TRIP4: variants seen among roughly 807,000 people sequenced by gnomAD.
TRIP4 encodes the protein activating signal cointegrator 1.
A neutral mutation model predicts 81.8 loss-of-function variants in TRIP4; 54 were observed. That is an observed-to-expected ratio of 0.66 (90% CI 0.53 to 0.83). The LOEUF (loss-of-function observed/expected upper bound fraction) is 0.83, where lower values mean the gene tolerates loss of function less well. Among genes scored for constraint, TRIP4 ranks in the 40% least tolerant of loss-of-function variants. The probability of loss-of-function intolerance (pLI) is 0.00; values close to 1 mark genes in which losing one functional copy is unlikely to be tolerated. For missense variants in TRIP4, 662 were observed against 683.6 expected (o/e 0.97, Z 0.35); for synonymous variants, 270 against 242.8 (o/e 1.11, Z -1.04).
At chr15:64,403,765 T>C (rs1891564555) in intron 5 of TRIP4, among the ~76,000 whole-genome samples, 1 of 152,370 alleles carries the variant, frequency 6.6e-6, no homozygotes, top group South Asian at 2.1e-4. Context: ...TTAAATAATA[T>C]TACAAATTGT....
At chr15:64,405,775 G>A (rs1055646213) in intron 5 of TRIP4, among the ~76,000 whole-genome samples, 10 of 152,086 alleles carry the variant, frequency 6.6e-5, no homozygotes, top group Non-Finnish European at 1.3e-4. Flanking sequence ...TGGGAGGATT[G>A]CTTGAAGCCA....
At chr15:64,394,948 G>T (rs1384345952) in intron 2 of TRIP4, among the ~76,000 whole-genome samples, 2 of 152,130 alleles carry the variant, frequency 1.3e-5, no homozygotes, top group African/African-American at 4.8e-5. Flanking sequence ...GGGCTCAGAT[G>T]ATTCTCCCAC....
intron 3 of TRIP4, among the ~76,000 whole-genome samples, chr15:64,395,943 C>G (rs972169637): frequency 5.3e-5 from 8 of 150,936 alleles, no homozygotes; most frequent in African/African-American, 1.9e-4. Flanking sequence ...GAGTCTCGCT[C>G]TGTCGCCCAG....
chr15:64,411,437 A>G (rs1891758302), intron 7 of TRIP4, among the ~76,000 whole-genome samples: 1 of 152,082 alleles, frequency 6.6e-6, no homozygotes, highest in Non-Finnish European at 1.5e-5. Context: ...ACCTCTGTAT[A>G]TTCCTCTCAA....
chr15:64,454,706 C>A (rs897943197), intron 12 of TRIP4, among the ~76,000 whole-genome samples: 6 of 152,176 alleles, frequency 3.9e-5, no homozygotes, highest in Non-Finnish European at 7.3e-5. Context: ...TAGCATCAAA[C>A]CCCTTAAAAA....
chr15:64,407,683 T>C (rs187699614), intron 6 of TRIP4, among the ~76,000 whole-genome samples: 24 of 151,614 alleles, frequency 1.6e-4, no homozygotes, highest in Non-Finnish European at 3.2e-4. Context: ...AAAATAATAA[T>C]AATAGAAATA....
At chr15:64,447,302 G>C (rs1281345157) in intron 12 of TRIP4, among the ~76,000 whole-genome samples, 4 of 152,198 alleles carry the variant, frequency 2.6e-5, no homozygotes, top group African/African-American at 9.6e-5. Flanking sequence ...GTCCTCACTG[G>C]TGCGAAACTC....
At chr15:64,449,276 T>G (rs1206970052) in intron 12 of TRIP4, among the ~76,000 whole-genome samples, 1 of 151,564 alleles carries the variant, frequency 6.6e-6, no homozygotes, top group Admixed American at 6.6e-5. Context: ...TGTTTGTTTT[T>G]TTTGTTTGTT....
At chr15:64,401,278 GC>G (rs1367034688) in intron 5 of TRIP4, among the ~76,000 whole-genome samples, 1 of 152,094 alleles carries the variant, frequency 6.6e-6, no homozygotes, top group East Asian at 1.9e-4. Context: ...GGGACTACAG[GC>G]ACATGCCACC....
At chr15:64,442,502 C>A (rs1048094964) in intron 11 of TRIP4, among the ~76,000 whole-genome samples, 3 of 151,782 alleles carry the variant, frequency 2.0e-5, no homozygotes, top group Non-Finnish European at 2.9e-5. Context: ...CCAGGCTGAT[C>A]CCAAACTCCT....
intron 8 of TRIP4, among the ~76,000 whole-genome samples, chr15:64,415,338 T>C (rs940448803): frequency 6.6e-6 from 1 of 152,152 alleles, no homozygotes; most frequent in African/African-American, 2.4e-5. Flanking sequence ...TAACTATTGT[T>C]ATGGACTGAT....
intron 1 of TRIP4, among the ~76,000 whole-genome samples, chr15:64,389,429 GGAGACCACCCTGGGCAACATAGT>G (rs1426611108): frequency 4.6e-5 from 7 of 152,008 alleles, no homozygotes; most frequent in Admixed American, 2.0e-4. Context: ...ACTGGGAGTT[GGAGACCACCCTGGGCAACATAGT>G]GAGACCCTGT....
chr15:64,417,533 C>T (rs1891914448), intron 8 of TRIP4, among the ~76,000 whole-genome samples: 1 of 152,188 alleles, frequency 6.6e-6, no homozygotes, highest in African/African-American at 2.4e-5. Flanking sequence ...TTTTGGAGGA[C>T]ATGGTATCGT....
At chr15:64,433,622 A>T (rs115808543) in intron 11 of TRIP4, among the ~76,000 whole-genome samples, 1,976 of 152,178 alleles carry the variant, frequency 0.013, 32 homozygotes, top group African/African-American at 0.046. Context: ...AATAAAAAAT[A>T]ACTTATGTAA....
At chr15:64,426,699 CAAAA>C (rs35662517) in intron 11 of TRIP4, among the ~76,000 whole-genome samples, 7 of 77,006 alleles carry the variant, frequency 9.1e-5, no homozygotes, top group Non-Finnish European at 1.1e-4. Context: ...GACTCTGTCT[CAAAA>C]AAAAAAAAAA....
At chr15:64,395,101 C>T (rs529248084) in intron 2 of TRIP4, among the ~76,000 whole-genome samples, 2 of 141,168 alleles carry the variant, frequency 1.4e-5, no homozygotes, top group South Asian at 2.2e-4. Context: ...CTGTCTCGGC[C>T]TCTCAAAGTG....
chr15:64,387,869 G>C lies in TRIP4; in HGVS notation c.6G>C (p.Ala2=), dbSNP rs947630820. 2 of 1,545,870 alleles carry C rather than the reference G, an allele frequency of 1.3e-6. No homozygotes were observed. Among genetic ancestry groups the C allele is most frequent in the African/African-American group, 2.7e-5 (2 of 73,004 alleles). Residue 2 remains alanine, a synonymous_variant, in exon 1 of 13, where the codon GCG becomes GCC. Transcript: ENST00000261884. The part of the protein sequence containing the change: M[A]VAGAVSGEPL... ...GCTGGTTCCGGCTGGGGAAGATGGC[G>C]GTGGCTGGGGCGGTGTCCGGGGAGC...
At chr15:64,411,836 C>T (rs975872412) in intron 7 of TRIP4, among the ~76,000 whole-genome samples, 3 of 152,056 alleles carry the variant, frequency 2.0e-5, no homozygotes, top group African/African-American at 2.4e-5. Context: ...CCCGCCACCA[C>T]GCCTGGCTAA....
At chr15:64,446,566 G>A (rs899066415) in intron 12 of TRIP4, among the ~76,000 whole-genome samples, 30 of 150,824 alleles carry the variant, frequency 2.0e-4, no homozygotes, top group African/African-American at 6.8e-4. Flanking sequence ...CACCACTCCT[G>A]GCTAATTTTT....
Sources: allele counts gnomAD v4.1 joint callset (sites outside exome capture counted in the v4.1 genomes callset), GRCh38; gene constraint gnomAD v4.1.1; transcripts MANE v1.5; gene names NCBI Gene and HGNC (gene_info 2026-07-23, HGNC 2026-07-21).